The following EIF4E3 variants were observed in gnomAD, a reference collection of about 807,000 sequenced individuals.
The protein encoded by EIF4E3 is eukaryotic translation initiation factor 4E type 3.
In EIF4E3, 26 loss-of-function variants were observed where a neutral mutation model predicts 31.7. That is an observed-to-expected ratio of 0.82 (90% CI 0.60 to 1.14). EIF4E3 has a LOEUF of 1.14. Among genes scored for constraint, EIF4E3 ranks in the 50% most tolerant of loss-of-function variants. The pLI is 0.00. For synonymous variants in EIF4E3, 128 were observed against 107.7 expected (o/e 1.19, Z -1.17); for missense variants, 304 against 270.9 (o/e 1.12, Z -0.86).
In EIF4E3 at chr3:71,678,705, C is replaced by G. The variant is rs1023091739; in HGVS notation, c.*5977G>C. 6.6e-6 allele frequency: 1 copy of G among 152,166 alleles called. No individual in the cohort carries two copies. The highest frequency in any genetic ancestry group is 1.9e-4 in the East Asian group (1 of 5,188). The allele number at this position is 152,166 out of a possible 1,614,324, so 9.4% of individuals were successfully genotyped here. On this transcript the variant is annotated 3_prime_UTR_variant, in exon 7 of 7. Transcript: ENST00000425534. ...TAGCCAGATGTGAAAGGGTCCCCAA[C>G]TGCACAGGGCACAGATGGTATAAAA...
At chr3:71,670,415 C>G (rs544756895), downstream of EIF4E3, among the ~76,000 whole-genome samples, 2 of 152,284 alleles carry the variant, frequency 1.3e-5, no homozygotes, top group African/African-American at 4.8e-5. Flanking sequence ...CCATTGCACC[C>G]CCCCAACCCC....
At chr3:71,675,043 C>T (rs146751911), downstream of EIF4E3, among the ~76,000 whole-genome samples, 251 of 152,304 alleles carry the variant, frequency 1.6e-3, no homozygotes, top group East Asian at 8.7e-3. Context: ...GAGAATCCTA[C>T]GGTCTCCCTG....
At chr3:71,738,877 A>G (rs1330711949) in intron 1 of EIF4E3, among the ~76,000 whole-genome samples, 1 of 151,336 alleles carries the variant, frequency 6.6e-6, no homozygotes, top group Non-Finnish European at 1.5e-5. Flanking sequence ...ATTCACCAAG[A>G]TAGATTACAT....
the EIF4E3 span, among the ~76,000 whole-genome samples, chr3:71,667,614 C>A: frequency 7.9e-5 from 12 of 152,178 alleles, no homozygotes; most frequent in African/African-American, 2.9e-4. Context: ...CAATAATAGA[C>A]AAATAGAGAG....
chr3:71,745,600 C>T (rs2049863655), intron 1 of EIF4E3, among the ~76,000 whole-genome samples: 1 of 152,166 alleles, frequency 6.6e-6, no homozygotes, highest in African/African-American at 2.4e-5. Flanking sequence ...GCAAGGATTA[C>T]AGCAGTAGCA....
downstream of EIF4E3, among the ~76,000 whole-genome samples, chr3:71,672,814 G>A (rs1578321938): frequency 6.6e-6 from 1 of 151,378 alleles, no homozygotes; most frequent in South Asian, 2.1e-4. Context: ...TTCCACACAC[G>A]TCTTCTGGGT....
chr3:71,689,064 T>A (rs1353595212), intron 6 of EIF4E3, among the ~76,000 whole-genome samples: 1 of 152,242 alleles, frequency 6.6e-6, no homozygotes, highest in Non-Finnish European at 1.5e-5. Flanking sequence ...TCAGCAATTC[T>A]AAGACGCACT....
intron 5 of EIF4E3, among the ~76,000 whole-genome samples, chr3:71,693,538 A>C (rs2049092043): frequency 6.6e-6 from 1 of 152,218 alleles, no homozygotes; most frequent in Non-Finnish European, 1.5e-5. Flanking sequence ...AATTGTGTTA[A>C]GGGCCCAGTT....
rs182585463 is a variant in EIF4E3, at chr3:71,751,969, T to C, written c.-291+1494A>G. On this transcript the variant is annotated intron_variant, in intron 1 of 7. Transcript: ENST00000295612. Reference sequence around the variant, plus strand: ...GCTACTAGTATCAAACTGCAATTCCTAACCCATACACCCTCCAAAATCTAT... The same window carrying C: ...GCTACTAGTATCAAACTGCAATTCCCAACCCATACACCCTCCAAAATCTAT... Among the ~76,000 whole-genome samples, 5 of 152,340 alleles carry C rather than the reference T, an allele frequency of 3.3e-5. No individual in the cohort carries two copies. The East Asian group carries it at 9.6e-4, about 29-fold the overall frequency.
chr3:71,725,217 A>G lies in EIF4E3; in HGVS notation c.151T>C (p.Ser51Pro), dbSNP rs1460883421. Residue 51 changes from serine (S) to proline (P), a missense_variant, in exon 1 of 7, where the codon TCG (serine) becomes CCG (proline). Physicochemically the swap from Ser to Pro is moderately conservative, Grantham distance 74. Coordinates refer to ENST00000425534, the MANE Select transcript of EIF4E3 (RefSeq NM_001134651.2). This position sits in a 1 kb window ranked among gnomAD's most constrained non-coding sequence, Gnocchi z 6.1. ...QPEPGGVPLHSSWTFWLDRSL... is the reference protein window; with the variant it reads ...QPEPGGVPLHPSWTFWLDRSL... ...CTGTCGAGCCAGAAGGTCCAGGACG[A>G]GTGCAGCGGGACCCCGCCCGGCTCA... The G allele has an allele frequency of 1.8e-6, 2 of 1,140,662 alleles. No individual in the cohort carries two copies. Among genetic ancestry groups the G allele is most frequent in the Non-Finnish European group, 2.2e-6 (2 of 922,736 alleles). The allele number at this position is 1,140,662 out of a possible 1,614,324, so 70.7% of individuals were successfully genotyped here. A position where few individuals can be genotyped will look rare whatever the true frequency, so the allele number is the denominator to read the frequency against.
intron 1 of EIF4E3, among the ~76,000 whole-genome samples, chr3:71,746,982 T>C (rs1400499073): frequency 2.6e-5 from 4 of 152,258 alleles, no homozygotes; most frequent in Non-Finnish European, 5.9e-5. Flanking sequence ...TATGAGTGAA[T>C]AGTATTCCAC....
At position 71,690,118 on chromosome 3, in the gene EIF4E3, C is replaced by T. The variant is rs1366712780; in HGVS notation, c.520G>A (p.Val174Ile). ...VSVSVRDRED[V>I]VQVWNVNASL... ...GCATTTACATTCCAGACTTGGACGA[C>T]GTCTTCTCGGTCCCGAACACTGACA... The change falls in exon 6 of 7, where the codon GTC becomes ATC. Residue 174 changes from valine to isoleucine, a missense_variant. Transcript: ENST00000425534. 7 of 1,613,442 alleles carry T rather than the reference C, an allele frequency of 4.3e-6. No homozygotes were observed. The highest frequency in any genetic ancestry group is 2.2e-5 in the East Asian group (1 of 44,850).
At chr3:71,753,897 C>A (rs2049967296), upstream of EIF4E3, among the ~76,000 whole-genome samples, 3 of 148,366 alleles carry the variant, frequency 2.0e-5, no homozygotes, top group East Asian at 5.9e-4. Flanking sequence ...GCTCGGGGAG[C>A]CCAGGAGGGG....
chr3:71,694,533 G>A (rs952688589), intron 4 of EIF4E3, among the ~76,000 whole-genome samples: 1 of 151,240 alleles, frequency 6.6e-6, no homozygotes, highest in African/African-American at 2.4e-5. Context: ...TGCACGCTCC[G>A]GTCTGCCTCC....
rs1262951892 is a variant in EIF4E3, at chr3:71,678,120, T to A, written c.*6562A>T. The A allele has an allele frequency of 1.3e-5, 2 of 152,186 alleles. No homozygotes were observed. Among genetic ancestry groups the A allele is most frequent in the African/African-American group, 4.8e-5 (2 of 41,452 alleles). 9.4% of individuals were successfully genotyped at this position (152,186 alleles called of 1,614,324 possible). On this transcript the variant is annotated 3_prime_UTR_variant, in exon 7 of 7. Transcript: ENST00000425534. ...AGGTGTTGGACAGAAACTTTTAATA[T>A]GTGTTGTAATAAACAAGGTTATTCT...
At chr3:71,662,187 G>A in the EIF4E3 span, among the ~76,000 whole-genome samples, 1 of 152,200 alleles carries the variant, frequency 6.6e-6, no homozygotes, top group Non-Finnish European at 1.5e-5. Context: ...GCAAGGTGGA[G>A]GGGAGAGTGT....
At chr3:71,690,290 T>A in intron 5 of EIF4E3, 125 bp from the exon 6 acceptor site, 1 of 1,098,284 alleles carries the variant, frequency 9.1e-7, no homozygotes, top group Non-Finnish European at 1.2e-6. Context: ...TGGCACAAGA[T>A]AACTTGTAAG....
intron 1 of EIF4E3, among the ~76,000 whole-genome samples, chr3:71,721,465 G>A (rs923227805): frequency 1.3e-5 from 2 of 152,132 alleles, no homozygotes; most frequent in Non-Finnish European, 2.9e-5. Flanking sequence ...AGATGGTTTG[G>A]CTGTGTCTCC....
chr3:71,728,997 GA>G (rs1260297091), upstream of EIF4E3: 5 of 152,396 alleles, frequency 3.3e-5, no homozygotes, highest in Non-Finnish European at 5.9e-5. Context: ...AGATGGAGGA[GA>G]GGGGGAAATC....
Sources: gnomAD v4.1 joint callset for allele counts (sites outside exome capture counted in the v4.1 genomes callset) on GRCh38, gnomAD v4.1.1 for gene constraint, Gnocchi (gnomAD v3.1) non-coding constraint, MANE v1.5 for transcripts, NCBI Gene and HGNC (gene_info 2026-07-23, HGNC 2026-07-21) for gene names.